FMNL2: variants seen among roughly 807,000 people sequenced by gnomAD.
The protein encoded by FMNL2 is formin-like protein 2.
A neutral mutation model predicts 130.2 loss-of-function variants in FMNL2; 51 were observed. The observed-to-expected ratio is 0.39, with a 90% CI of 0.31 to 0.49. The LOEUF is 0.49. Ranked by LOEUF, FMNL2 falls within the 20% of genes least tolerant of loss-of-function variation. The pLI, the probability that FMNL2 is intolerant of heterozygous loss-of-function variation, is 0.85. For synonymous variants in FMNL2, 465 were observed against 467.1 expected, an observed-to-expected ratio of 1.00 and a Z score of 0.06; for missense variants, 977 against 1,316.2, an observed-to-expected ratio of 0.74 and a Z score of 3.99.
intron 5 of FMNL2, among the ~76,000 whole-genome samples, chr2:152,560,179 T>C (rs1695446785): frequency 6.6e-6 from 1 of 152,076 alleles, no homozygotes; most frequent in Non-Finnish European, 1.5e-5. Flanking sequence ...TTTTTTTCTT[T>C]TGAGAAAGCA....
rs1334612316 is a variant in FMNL2 at position 152,611,608 on chromosome 2, G to A, written c.1062+3G>A. On this transcript the variant is annotated splice_donor_region_variant and intron_variant, in intron 11 of 25. Transcript: ENST00000288670. ...TAGGCCTGGACGAATACTTGGACGTGAGTATAGCTGTGACCTTTGGCTCCA... is the reference window on the plus strand; with the variant it reads ...TAGGCCTGGACGAATACTTGGACGTAAGTATAGCTGTGACCTTTGGCTCCA... 6.4e-7 allele frequency: 1 copy of A among 1,558,702 alleles called. No individual in the cohort carries two copies. Among genetic ancestry groups the A allele is most frequent in the Non-Finnish European group, 8.8e-7 (1 of 1,136,824 alleles).
intron 1 of FMNL2, chr2:152,390,155 C>T (rs1456331062): frequency 7.9e-7 from 1 of 1,262,292 alleles, no homozygotes; most frequent in Non-Finnish European, 1.2e-6. Flanking sequence ...TGCCCAATTA[C>T]TGCTGGACCC....
chr2:152,389,846 A>T, intron 1 of FMNL2: 1 of 1,123,558 alleles, frequency 8.9e-7, no homozygotes, highest in Non-Finnish European at 1.3e-6. Context: ...CTTATCATAC[A>T]GACTTTCAGC....
At chr2:152,568,223 T>TTTTTTTTTTGTTTTTTTTTTG (rs11275578) in intron 6 of FMNL2, among the ~76,000 whole-genome samples, 18 of 132,284 alleles carry the variant, frequency 1.4e-4, no homozygotes, top group African/African-American at 2.0e-4. Flanking sequence ...GGTGGGTTTT[T>TTTTTTTTTTGTTTTTTTTTTG]TTTTTTTTTT....
intron 4 of FMNL2, among the ~76,000 whole-genome samples, chr2:152,557,825 G>A (rs1193530292): frequency 6.6e-6 from 1 of 152,232 alleles, no homozygotes; most frequent in African/African-American, 2.4e-5. Flanking sequence ...GGTGGCAGAT[G>A]TACCTCAAGT....
intron 1 of FMNL2, among the ~76,000 whole-genome samples, chr2:152,464,845 G>A (rs375706372): frequency 2.0e-4 from 30 of 152,272 alleles, no homozygotes; most frequent in African/African-American, 6.7e-4. Flanking sequence ...TGTGCTTAGC[G>A]AAGTGGAGGG....
intron 9 of FMNL2, among the ~76,000 whole-genome samples, chr2:152,597,847 C>T (rs1008028220): frequency 1.8e-4 from 28 of 152,196 alleles, no homozygotes; most frequent in African/African-American, 5.8e-4. Context: ...ATTGGCTAAG[C>T]GCAAAATCCT....
chr2:152,544,300 C>T (rs573747287), intron 3 of FMNL2, among the ~76,000 whole-genome samples: 2 of 152,006 alleles, frequency 1.3e-5, no homozygotes, highest in East Asian at 3.9e-4. Flanking sequence ...CCCAGCTACT[C>T]GGGAGGCTGA....
At chr2:152,386,821 G>A (rs1684810882) in intron 1 of FMNL2, among the ~76,000 whole-genome samples, 2 of 152,146 alleles carry the variant, frequency 1.3e-5, no homozygotes, top group East Asian at 3.9e-4. Context: ...AATTAAATAT[G>A]TTAAGTAGCA....
chr2:152,337,589 A>G (rs968360668), intron 1 of FMNL2, among the ~76,000 whole-genome samples: 1 of 152,126 alleles, frequency 6.6e-6, no homozygotes, highest in African/African-American at 2.4e-5. Flanking sequence ...ATTAATCTTT[A>G]GAAAAATAAT....
At chr2:152,467,624 GTAT>G (rs1479959890) in intron 1 of FMNL2, among the ~76,000 whole-genome samples, 1 of 152,210 alleles carries the variant, frequency 6.6e-6, no homozygotes, top group Non-Finnish European at 1.5e-5. Flanking sequence ...GTCTGTGCTT[GTAT>G]TATTTTGTTT....
At chr2:152,520,674 C>A (rs973766246) in intron 1 of FMNL2, among the ~76,000 whole-genome samples, 1 of 151,908 alleles carries the variant, frequency 6.6e-6, no homozygotes, top group South Asian at 2.1e-4. Flanking sequence ...AAATAGGTGG[C>A]AGATATACTT....
At chr2:152,593,201 G>C (rs1478486414) in intron 9 of FMNL2, among the ~76,000 whole-genome samples, 1 of 152,200 alleles carries the variant, frequency 6.6e-6, no homozygotes, top group East Asian at 1.9e-4. Context: ...ATGAGGTTCT[G>C]AGGAAACAGT....
chr2:152,625,935 A>C (rs535286214), intron 16 of FMNL2, among the ~76,000 whole-genome samples: 2 of 152,336 alleles, frequency 1.3e-5, no homozygotes, highest in African/African-American at 4.8e-5. Flanking sequence ...AATCTGTGGC[A>C]GCTGTCTGTG....
At chr2:152,345,462 C>G (rs1682062757) in intron 1 of FMNL2, among the ~76,000 whole-genome samples, 1 of 152,120 alleles carries the variant, frequency 6.6e-6, no homozygotes, top group South Asian at 2.1e-4. Context: ...CTCAGTTTTG[C>G]CCAGTGAGTT....
chr2:152,501,588 C>T (rs1024792632), intron 1 of FMNL2, among the ~76,000 whole-genome samples: 3 of 152,242 alleles, frequency 2.0e-5, no homozygotes, highest in South Asian at 2.1e-4. Flanking sequence ...AGGATGTCCA[C>T]GGTTTTGGGT....
intron 1 of FMNL2, among the ~76,000 whole-genome samples, chr2:152,405,864 T>C (rs35873507): frequency 0.021 from 3,256 of 152,330 alleles, 116 homozygotes; most frequent in African/African-American, 0.07. Flanking sequence ...CAGAATGATA[T>C]TGATATGGGT....
intron 1 of FMNL2, among the ~76,000 whole-genome samples, chr2:152,436,385 C>T (rs746264923): frequency 1.2e-4 from 19 of 152,054 alleles, no homozygotes; most frequent in Admixed American, 2.6e-4. Context: ...TCAAGCAATC[C>T]GCTGACCTCA....
At chr2:152,529,019 C>T (rs1340043489) in intron 2 of FMNL2, among the ~76,000 whole-genome samples, 1 of 152,122 alleles carries the variant, frequency 6.6e-6, no homozygotes, top group East Asian at 1.9e-4. Flanking sequence ...GGATGAGAAA[C>T]GGAGACTAGC....
Sources: gnomAD v4.1 joint callset for allele counts (sites outside exome capture counted in the v4.1 genomes callset) on GRCh38, gnomAD v4.1.1 for gene constraint, MANE v1.5 for transcripts, NCBI Gene and HGNC (gene_info 2026-07-23, HGNC 2026-07-21) for gene names.